The following ARAP2 variants were observed in gnomAD, a reference collection of about 807,000 sequenced individuals.
ARAP2 encodes the protein ArfGAP with RhoGAP domain, ankyrin repeat and PH domain 2.
A neutral mutation model predicts 194.5 loss-of-function variants in ARAP2; 148 were observed. The ratio of observed to expected loss-of-function variants is 0.76; its 90% confidence interval spans 0.67 to 0.87. ARAP2 has a LOEUF of 0.87. ARAP2 is among the 40% of genes least tolerant of loss of function. ARAP2 has a pLI of 0.00. For synonymous variants in ARAP2, 695 were observed against 683.5 expected (o/e 1.02, Z -0.26); for missense variants, 2,128 against 1,989.7 (o/e 1.07, Z -1.32).
At chr4:36,119,752 T>C in intron 23 of ARAP2, 34 bp from the exon 24 acceptor site, 1 of 1,441,302 alleles carries the variant, frequency 6.9e-7, no homozygotes, top group South Asian at 1.2e-5. Context: ...ATTCTAATAA[T>C]GTAGAATACG....
rs34229260 is a variant in ARAP2 at position 36,079,173 on chromosome 4, CAAAAAAAAAAAAA to C, written c.4608+1030_4608+1042del. 4.4e-4 allele frequency among the ~76,000 whole-genome samples: 34 copies of C among 77,612 alleles called. No homozygotes were observed. In the South Asian group the frequency reaches 0.017, roughly 38 times the overall value. The allele number at this position is 77,612 out of a possible 152,430, so 50.9% of individuals were successfully genotyped here. On this transcript the variant is annotated intron_variant, in intron 31 of 32. Coordinates refer to ENST00000303965, the MANE Select transcript of ARAP2 (RefSeq NM_015230.4). ...TGGGCAACAGAGCAAGACTCTGTCTCAAAAAAAAAAAAAAAAAAAAAAAGTTGAATATCTGAAT... is the reference window on the plus strand; with the variant it reads ...TGGGCAACAGAGCAAGACTCTGTCTCAAAAAAAAAAGTTGAATATCTGAAT...
rs1392615113 is a variant in ARAP2 at position 36,091,980 on chromosome 4, T to A, written c.4326A>T (p.Lys1442Asn). 2 of 1,604,282 alleles carry A rather than the reference T, an allele frequency of 1.2e-6. No homozygotes were observed. Among genetic ancestry groups the A allele is most frequent in the African/African-American group, 1.3e-5 (1 of 74,826 alleles). The change falls in exon 28 of 33, where the codon AAA becomes AAT. Residue 1442 changes from lysine (K) to asparagine (N), a missense_variant. Transcript: ENST00000303965. ...GTATTTTGGATGGTTCTTCTTTGAT[T>A]TTCAAGATTCCTTCTTTGATGCTTC... The part of the protein sequence containing the change: ...TLGSIKEGIL[K>N]IKEEPSKILS...
intron 9 of ARAP2, among the ~76,000 whole-genome samples, chr4:36,170,039 A>C (rs1206643511): frequency 1.3e-5 from 2 of 152,232 alleles, no homozygotes. Flanking sequence ...AATAGTATTT[A>C]GAACATGTTT....
chr4:36,155,466 G>C (rs1732037458), intron 15 of ARAP2, among the ~76,000 whole-genome samples: 1 of 152,010 alleles, frequency 6.6e-6, no homozygotes, highest in African/African-American at 2.4e-5. Context: ...CTTTGCATAG[G>C]GAACAGCAGG....
intron 5 of ARAP2, chr4:36,019,343 T>G (rs1716470890): frequency 6.7e-6 from 1 of 149,266 alleles, no homozygotes; most frequent in Non-Finnish European, 1.5e-5. Flanking sequence ...CCTTTTAATG[T>G]ATTAAGGCTC....
chr4:36,098,210 G>A (rs536182683), intron 27 of ARAP2, among the ~76,000 whole-genome samples: 46 of 152,086 alleles, frequency 3.0e-4, no homozygotes, highest in African/African-American at 1.1e-3. Flanking sequence ...CATACACCCA[G>A]GAATGGCATT....
downstream of ARAP2, among the ~76,000 whole-genome samples, chr4:36,062,182 G>C (rs1724552963): frequency 6.6e-6 from 1 of 152,094 alleles, no homozygotes; most frequent in Non-Finnish European, 1.5e-5. Flanking sequence ...TGCTTTGGTT[G>C]CCTGTGCTTA....
At position 36,177,443 on chromosome 4, in the gene ARAP2, C is replaced by G. The variant is rs183503456; in HGVS notation, c.1857+384G>C. On this transcript the variant is annotated intron_variant, in intron 9 of 32. Coordinates refer to ENST00000303965, the MANE Select transcript of ARAP2 (RefSeq NM_015230.4). ...GTGCTTACCCTATAATTTTCTATCA[C>G]AAAAAATAAAAGCAGCACAGGGTGC... 2.2e-3 allele frequency among the ~76,000 whole-genome samples: 336 copies of G among 152,198 alleles called. 3 individuals carry two copies. The highest frequency in any genetic ancestry group is 7.6e-3 in the African/African-American group (314 of 41,554).
intron 2 of ARAP2, among the ~76,000 whole-genome samples, chr4:36,057,193 T>A (rs1723662022): frequency 6.6e-6 from 1 of 151,708 alleles, no homozygotes; most frequent in East Asian, 1.9e-4. Context: ...TTAATAATTG[T>A]AATTGTTTTT....
At chr4:36,151,216 C>T (rs183531635) in intron 15 of ARAP2, among the ~76,000 whole-genome samples, 172 bp from the exon 16 acceptor site, 4 of 152,214 alleles carry the variant, frequency 2.6e-5, no homozygotes, top group Admixed American at 2.6e-4. Context: ...GTCACATTCT[C>T]TGCTCTCCAA....
chr4:36,173,028 G>C lies in ARAP2; in HGVS notation c.1857+4799C>G, dbSNP rs531098546. ...GGGAATGAGGGAGGATGAGTCTCTT[G>C]TTATACCCTGATTTGAGAATGTTTA... On this transcript the variant is annotated intron_variant, in intron 9 of 32. Coordinates refer to ENST00000303965, the MANE Select transcript of ARAP2 (RefSeq NM_015230.4). Among the ~76,000 whole-genome samples, 5 of 152,230 alleles carry C rather than the reference G, an allele frequency of 3.3e-5. No individual in the cohort carries two copies. In the East Asian group the frequency reaches 9.7e-4, roughly 29 times the overall value.
At chr4:36,086,884 C>A (rs1308978378) in intron 28 of ARAP2, among the ~76,000 whole-genome samples, 1 of 152,030 alleles carries the variant, frequency 6.6e-6, no homozygotes, top group Non-Finnish European at 1.5e-5. Context: ...AGTCTGAAAG[C>A]AATTAACATT....
rs1343267123 is a variant in ARAP2 at position 36,066,266 on chromosome 4, T to G, written c.*1641A>C. On this transcript the variant is annotated 3_prime_UTR_variant, in exon 33 of 33. Coordinates refer to ENST00000303965, the MANE Select transcript of ARAP2 (RefSeq NM_015230.4). ...ATATAAATATTTATTAGAAATAGTA[T>G]GTTTAAGATTAGTTTTTCTTTCTAA... 1 of 152,200 alleles carries G rather than the reference T, an allele frequency of 6.6e-6. No homozygotes were observed. The highest frequency in any genetic ancestry group is 1.5e-5 in the Non-Finnish European group (1 of 68,036). The allele number at this position is 152,200 out of a possible 1,614,324, so 9.4% of individuals were successfully genotyped here.
At chr4:36,043,793 G>A (rs1305280904) in intron 5 of ARAP2, among the ~76,000 whole-genome samples, 1 of 104,598 alleles carries the variant, frequency 9.6e-6, no homozygotes, top group African/African-American at 3.6e-5. Context: ...AAGAAGAGAA[G>A]AGAAGGGAAG....
intron 8 of ARAP2, among the ~76,000 whole-genome samples, chr4:36,180,919 A>G (rs926587450): frequency 6.6e-6 from 1 of 152,242 alleles, no homozygotes; most frequent in Non-Finnish European, 1.5e-5. Context: ...AACGGAACAG[A>G]TAATCTAAAC....
At position 36,093,237 on chromosome 4, in the gene ARAP2, G is replaced by GAA. The variant is rs555375336; in HGVS notation, c.4286-1219_4286-1218dup. Among the ~76,000 whole-genome samples, 42 of 152,108 alleles carry GAA rather than the reference G, an allele frequency of 2.8e-4. No homozygotes were observed. In the East Asian group the frequency reaches 7.6e-3, roughly 27 times the overall value. On this transcript the variant is annotated intron_variant, in intron 27 of 32. Coordinates refer to ENST00000303965, the MANE Select transcript of ARAP2 (RefSeq NM_015230.4). ...AGGGTGGGGGGAAGGAGAGAATCAG[G>GAA]AAAAGTAACTGATAGGTACTAGGCT...
chr4:36,022,393 C>A (rs1717122114), intron 5 of ARAP2, among the ~76,000 whole-genome samples: 1 of 151,906 alleles, frequency 6.6e-6, no homozygotes. Flanking sequence ...AAATCTTACC[C>A]AACATAACGG....
intron 6 of ARAP2, among the ~76,000 whole-genome samples, chr4:36,203,031 G>A (rs1023859749): frequency 1.3e-5 from 2 of 152,146 alleles, no homozygotes; most frequent in Non-Finnish European, 2.9e-5. Context: ...GCTGATAATG[G>A]ATATATTGAA....
At chr4:36,192,168 G>GTTTTTTT (rs569144058) in intron 7 of ARAP2, among the ~76,000 whole-genome samples, 23 of 100,688 alleles carry the variant, frequency 2.3e-4, no homozygotes, top group African/African-American at 6.9e-4. Context: ...CAGTGTTTCT[G>GTTTTTTT]TTTTTTTTTT....
Sources: gnomAD v4.1 joint callset for allele counts (sites outside exome capture counted in the v4.1 genomes callset) on GRCh38, gnomAD v4.1.1 for gene constraint, MANE v1.5 for transcripts, NCBI Gene and HGNC (gene_info 2026-07-23, HGNC 2026-07-21) for gene names.